The following PKNOX1 variants were observed in gnomAD, a reference collection of about 807,000 sequenced individuals.
The protein encoded by PKNOX1 is homeobox protein PKNOX1.
In PKNOX1, 15 loss-of-function variants were observed where a neutral mutation model predicts 51.9. The ratio of observed to expected loss-of-function variants is 0.29; its 90% confidence interval spans 0.19 to 0.45. The LOEUF is 0.45. Ranked by LOEUF, PKNOX1 falls within the 20% of genes least tolerant of loss-of-function variation. The pLI is 1.00. For missense variants in PKNOX1, 462 were observed against 547.5 expected (o/e 0.84, Z 1.56); for synonymous variants, 219 against 211.1 (o/e 1.04, Z -0.32).
chr21:42,978,486 CTTTT>C (rs200084508), intron 1 of PKNOX1, among the ~76,000 whole-genome samples: 2 of 124,890 alleles, frequency 1.6e-5, no homozygotes, highest in Admixed American at 8.2e-5. Context: ...CTTTTCTTTT[CTTTT>C]TTTTTTTTTT....
intron 5 of PKNOX1, among the ~76,000 whole-genome samples, chr21:43,016,405 A>G (rs1275355417): frequency 6.6e-6 from 1 of 152,244 alleles, no homozygotes; most frequent in African/African-American, 2.4e-5. Flanking sequence ...GCCGGGGTCA[A>G]GAGTCAAGGT....
Position 42,983,486 on chromosome 21 carries a change from GCTGAATA to G in PKNOX1, c.-57+8825_-57+8831del, listed in dbSNP as rs370486472. 4.1e-3 allele frequency among the ~76,000 whole-genome samples: 625 copies of G among 152,152 alleles called. 4 individuals carry two copies. The highest frequency in any genetic ancestry group is 0.014 in the African/African-American group (592 of 41,480). On this transcript the variant is annotated intron_variant, in intron 1 of 10. Coordinates refer to ENST00000291547, the MANE Select transcript of PKNOX1 (RefSeq NM_004571.5). ...TGTCAGAATTTCCTTCCTTTTTAAGGCTGAATACTCCATTGTGTGGATATACTGAATT... is the reference window on the plus strand; with the variant it reads ...TGTCAGAATTTCCTTCCTTTTTAAGGCTCCATTGTGTGGATATACTGAATT...
At chr21:43,007,359 G>A (rs1979032723) in intron 2 of PKNOX1, 132 bp from the exon 3 acceptor site, 1 of 782,706 alleles carries the variant, frequency 1.3e-6, no homozygotes, top group Admixed American at 2.3e-5. Context: ...TTTGTTGGTA[G>A]CATTCTTTAC....
intron 1 of PKNOX1, among the ~76,000 whole-genome samples, chr21:42,984,851 C>T (rs2059043488): frequency 6.6e-6 from 1 of 151,078 alleles, no homozygotes; most frequent in Admixed American, 6.6e-5. Flanking sequence ...GGCTGCTGTG[C>T]AGGGAGGGAG....
At chr21:42,987,404 A>AAAATATATATATATATATATAT in intron 1 of PKNOX1, among the ~76,000 whole-genome samples, 7 of 41,380 alleles carry the variant, frequency 1.7e-4, no homozygotes, top group African/African-American at 1.9e-4. Flanking sequence ...AAAAAAAAAA[A>AAAATATATATATATATATATAT]ATATATATAT....
In PKNOX1 at chr21:42,978,878, AG is replaced by A. The variant is rs370495118; in HGVS notation, c.-57+4216del. Reference sequence around the variant, plus strand: ...CAAGTGGTCCTCCTGCCTCAGCCTCAGGCATGATCCACTGTTCCTGGCCTTG... The same window carrying A: ...CAAGTGGTCCTCCTGCCTCAGCCTCAGCATGATCCACTGTTCCTGGCCTTG... On this transcript the variant is annotated intron_variant, in intron 1 of 10. Transcript: ENST00000291547. Among the ~76,000 whole-genome samples the A allele has an allele frequency of 4.5e-3, 691 of 152,092 alleles. 2 individuals are homozygous for A. Among genetic ancestry groups the A allele is most frequent in the South Asian group, 0.022 (105 of 4,814 alleles).
At position 43,021,939 on chromosome 21, in the gene PKNOX1, G is replaced by A. The variant is rs1013213648; in HGVS notation, c.849+508G>A. Among the ~76,000 whole-genome samples, 2 of 152,222 alleles carry A rather than the reference G, an allele frequency of 1.3e-5. No homozygotes were observed. Among genetic ancestry groups the A allele is most frequent in the African/African-American group, 2.4e-5 (1 of 41,460 alleles). ...CGGCTTCCTCCCCCGGGCCATGGCC[G>A]CGTCTTCTCCCTGTCCCCAGGACAT... On this transcript the variant is annotated intron_variant, in intron 8 of 10. Transcript: ENST00000291547. This position sits in a 1 kb window ranked among gnomAD's most constrained non-coding sequence, Gnocchi z 4.6.
In PKNOX1 at chr21:43,010,087, GA is replaced by G; in HGVS notation, c.219del (p.Lys73AsnfsTer19). 6.4e-7 allele frequency: 1 copy of G among 1,570,212 alleles called. No homozygotes were observed. Among genetic ancestry groups the G allele is most frequent in the Non-Finnish European group, 8.6e-7 (1 of 1,161,988 alleles). The stretch of plus-strand genomic sequence containing the variant: ...ATTTCCATTATTAGCTTTGTTGTTT[GA>G]AAAATGTGAACAATCTACACAGGGC... ...PLFPLLALLF[E>X]KCEQSTQGSE... On this transcript the variant is annotated frameshift_variant, in exon 4 of 11. Coordinates refer to ENST00000291547, the MANE Select transcript of PKNOX1 (RefSeq NM_004571.5). LOFTEE classifies it high-confidence loss of function.
At chr21:43,008,261 T>C (rs956957184) in intron 3 of PKNOX1, among the ~76,000 whole-genome samples, 1 of 152,128 alleles carries the variant, frequency 6.6e-6, no homozygotes, top group Non-Finnish European at 1.5e-5. Context: ...TTTCAGGAAG[T>C]AGAGGAGGAG....
intron 5 of PKNOX1, among the ~76,000 whole-genome samples, chr21:43,013,596 G>A (rs1286860754): frequency 1.3e-5 from 2 of 152,160 alleles, no homozygotes; most frequent in South Asian, 2.1e-4. Flanking sequence ...GTTCAATGGT[G>A]TTAAGTTTAT....
intron 1 of PKNOX1, among the ~76,000 whole-genome samples, chr21:42,984,240 T>C (rs2059040672): frequency 1.3e-5 from 2 of 151,888 alleles, no homozygotes; most frequent in African/African-American, 4.8e-5. Flanking sequence ...TGTGCCTGGC[T>C]ATGTTCATAC....
At chr21:43,022,113 C>G (rs911919937) in intron 8 of PKNOX1, among the ~76,000 whole-genome samples, 2 of 152,150 alleles carry the variant, frequency 1.3e-5, no homozygotes, top group African/African-American at 4.8e-5. Flanking sequence ...GAGGCCAAGG[C>G]GGGAAGGCAG....
At position 42,978,472 on chromosome 21, in the gene PKNOX1, T is replaced by C. The variant is rs551679435; in HGVS notation, c.-57+3808T>C. ...CATTTACAACTTGGCTAACTTGTTT[T>C]TTTCTTTTCTTTTCTTTTTTTTTTT... On this transcript the variant is annotated intron_variant, in intron 1 of 10. Transcript: ENST00000291547. Among the ~76,000 whole-genome samples, 14 of 106,234 alleles carry C rather than the reference T, an allele frequency of 1.3e-4. No individual in the cohort carries two copies. The East Asian group carries it at 2.1e-3, about 16-fold the overall frequency. 69.7% of individuals were successfully genotyped at this position (106,234 alleles called of 152,430 possible).
At chr21:43,010,269 T>C (rs1300722654) in intron 4 of PKNOX1, 45 bp downstream of exon 4, 2 of 1,171,530 alleles carry the variant, frequency 1.7e-6, no homozygotes, top group Non-Finnish European at 2.4e-6. Context: ...ATGTGAAATC[T>C]GTTCATGAAA....
intron 1 of PKNOX1, among the ~76,000 whole-genome samples, chr21:42,999,742 G>T (rs1174052045): frequency 1.3e-5 from 2 of 152,100 alleles, no homozygotes; most frequent in Non-Finnish European, 2.9e-5. Context: ...GACTCCCAAA[G>T]TGCTGGGATT....
At chr21:43,012,976 C>T (rs1247036107) in intron 4 of PKNOX1, 92 bp from the exon 5 acceptor site, 1 of 983,346 alleles carries the variant, frequency 1.0e-6, no homozygotes, top group Non-Finnish European at 1.5e-6. Flanking sequence ...AGAGATGGTT[C>T]TATCTAATGA....
At position 43,010,095 on chromosome 21, in the gene PKNOX1, T is replaced by C; in HGVS notation, c.222T>C (p.Cys74=). The C allele has an allele frequency of 6.3e-7, 1 of 1,576,538 alleles. No individual in the cohort carries two copies. Among genetic ancestry groups the C allele is most frequent in the Non-Finnish European group, 8.6e-7 (1 of 1,165,386 alleles). Residue 74 remains cysteine (C), a synonymous_variant, in exon 4 of 11, where the codon TGT becomes TGC. Transcript: ENST00000291547. The stretch of plus-strand genomic sequence containing the variant: ...TATTAGCTTTGTTGTTTGAAAAATG[T>C]GAACAATCTACACAGGGCTCTGAAG... ...FPLLALLFEK[C]EQSTQGSEGT...
chr21:43,017,138 G>T, intron 6 of PKNOX1, 131 bp downstream of exon 6: 2 of 547,020 alleles, frequency 3.7e-6, no homozygotes, highest in South Asian at 2.7e-5. Flanking sequence ...AGAAGCTAGA[G>T]GTCTCTGAAT....
At chr21:43,029,775 T>C in intron 10 of PKNOX1, 115 bp from the exon 11 acceptor site, 1 of 873,902 alleles carries the variant, frequency 1.1e-6, no homozygotes, top group East Asian at 2.4e-5. Context: ...CCTAAACATA[T>C]ATAGGTGTTT....
Sources: allele counts gnomAD v4.1 joint callset (sites outside exome capture counted in the v4.1 genomes callset), GRCh38; gene constraint gnomAD v4.1.1; non-coding constraint Gnocchi (gnomAD v3.1); transcripts MANE v1.5; gene names NCBI Gene and HGNC (gene_info 2026-07-23, HGNC 2026-07-21).